NUP93: variants seen among roughly 807,000 people sequenced by gnomAD.
The protein encoded by NUP93 is nucleoporin 93, also known as nuclear pore complex protein Nup93.
A neutral mutation model predicts 107.8 loss-of-function variants in NUP93; 55 were observed. The ratio of observed to expected loss-of-function variants is 0.51; its 90% CI spans 0.41 to 0.64. NUP93 has a LOEUF of 0.64. NUP93 is among the 30% of genes least tolerant of loss of function. NUP93 has a pLI of 0.00. For missense variants in NUP93, 937 were observed against 1,044.7 expected, an observed-to-expected ratio of 0.90 and a Z score of 1.42; for synonymous variants, 390 against 397.5, an observed-to-expected ratio of 0.98 and a Z score of 0.22.
At chr16:56,835,514 T>C (rs978713510) in intron 16 of NUP93, among the ~76,000 whole-genome samples, 1 of 152,242 alleles carries the variant, frequency 6.6e-6, no homozygotes, top group Admixed American at 6.5e-5. Flanking sequence ...GGCATTGTGC[T>C]GAGTGCTTTG....
intron 3 of NUP93, among the ~76,000 whole-genome samples, chr16:56,761,712 T>C (rs757111466): frequency 3.3e-5 from 5 of 152,216 alleles, no homozygotes; most frequent in Non-Finnish European, 5.9e-5. Context: ...CTTTGTACTA[T>C]CCATCGTTTG....
chr16:56,777,275 A>G (rs78993150), intron 3 of NUP93, among the ~76,000 whole-genome samples: 10,371 of 152,236 alleles, frequency 0.068, 398 homozygotes, highest in Non-Finnish European at 0.075. Flanking sequence ...AATTTCTTTC[A>G]CCGAGGTGCA....
At chr16:56,746,913 A>T (rs1961829113) in intron 1 of NUP93, among the ~76,000 whole-genome samples, 2 of 152,212 alleles carry the variant, frequency 1.3e-5, no homozygotes, top group Admixed American at 1.3e-4. Context: ...TGTCTCCCAA[A>T]AGAAGGAAAA....
At chr16:56,768,682 C>T (rs555616423) in intron 3 of NUP93, among the ~76,000 whole-genome samples, 30 of 149,966 alleles carry the variant, frequency 2.0e-4, no homozygotes, top group South Asian at 1.5e-3. Context: ...CTGGCTAACA[C>T]GGTGAAACCC....
intron 9 of NUP93, among the ~76,000 whole-genome samples, 195 bp downstream of exon 9, chr16:56,829,304 G>T (rs143196872): frequency 1.3e-5 from 2 of 152,338 alleles, no homozygotes; most frequent in East Asian, 3.9e-4. Flanking sequence ...ACTCAGCTCC[G>T]GGTGGAGAAG....
chr16:56,844,428 G>A (rs1484451328), intron 21 of NUP93, 71 bp from the exon 22 acceptor site: 11 of 871,814 alleles, frequency 1.3e-5, no homozygotes, highest in Middle Eastern at 2.4e-4. Context: ...AATAGAGGAT[G>A]GAAGAATATG....
At chr16:56,807,161 T>C (rs1963161583) in intron 5 of NUP93, among the ~76,000 whole-genome samples, 1 of 152,222 alleles carries the variant, frequency 6.6e-6, no homozygotes, top group Non-Finnish European at 1.5e-5. Flanking sequence ...ACAGGCTTCT[T>C]ACAGGTTCCT....
At position 56,818,744 on chromosome 16, in the gene NUP93, T is replaced by C. The variant is rs200267496; in HGVS notation, c.564+6T>C. The C allele has an allele frequency of 6.2e-6, 10 of 1,612,848 alleles. No homozygotes were observed. The highest frequency in any genetic ancestry group is 2.2e-5 in the East Asian group (1 of 44,846). On this transcript the variant is annotated splice_donor_region_variant and intron_variant, in intron 6 of 21. Transcript: ENST00000308159. ...AGATGGCCTATGCGCGGCAAGTGAGTGTGATTTTAAGGGGGATTAAGCCAG... is the reference window on the plus strand; with the variant it reads ...AGATGGCCTATGCGCGGCAAGTGAGCGTGATTTTAAGGGGGATTAAGCCAG...
intron 5 of NUP93, among the ~76,000 whole-genome samples, chr16:56,807,897 C>CAT (rs1963178609): frequency 6.6e-6 from 1 of 151,306 alleles, no homozygotes; most frequent in Non-Finnish European, 1.5e-5. Flanking sequence ...TGGCGTGTGC[C>CAT]TGTAATCCCA....
chr16:56,797,457 T>G (rs1295404573), intron 3 of NUP93, among the ~76,000 whole-genome samples: 1 of 152,170 alleles, frequency 6.6e-6, no homozygotes, highest in Non-Finnish European at 1.5e-5. Context: ...AACTGCCCCC[T>G]TGTATGAAGA....
At chr16:56,798,682 A>T in intron 4 of NUP93, 144 bp downstream of exon 4, 5 of 669,162 alleles carry the variant, frequency 7.5e-6, no homozygotes, top group Non-Finnish European at 1.3e-5. Context: ...AGCCTAGGCA[A>T]CATAGTGAGA....
chr16:56,834,287 A>G, intron 14 of NUP93, 33 bp downstream of exon 14: 3 of 1,613,352 alleles, frequency 1.9e-6, no homozygotes, highest in East Asian at 2.2e-5. Context: ...TACTTCAGCT[A>G]GTTTCAATTT....
chr16:56,738,676 G>C lies in NUP93; in HGVS notation c.-15+8465G>C, dbSNP rs545779262. ...TCTGTCAAGATTTAATTTTTTTGGG[G>C]TTGTTGTTGTAATTGACAGCTGACA... On this transcript the variant is annotated intron_variant, in intron 1 of 21. Transcript: ENST00000308159. Among the ~76,000 whole-genome samples the C allele has an allele frequency of 9.2e-5, 14 of 152,184 alleles. No individual in the cohort carries two copies. In the South Asian group the frequency reaches 2.9e-3, roughly 32 times the overall value.
At chr16:56,731,217 T>A (rs1352748055) in intron 1 of NUP93, among the ~76,000 whole-genome samples, 1 of 152,026 alleles carries the variant, frequency 6.6e-6, no homozygotes, top group Non-Finnish European at 1.5e-5. Context: ...ACTTAATATC[T>A]CCACTGAGAT....
At chr16:56,816,093 C>A (rs765291011) in intron 5 of NUP93, among the ~76,000 whole-genome samples, 13 of 152,238 alleles carry the variant, frequency 8.5e-5, no homozygotes, top group Non-Finnish European at 1.8e-4. Flanking sequence ...CCACTGCTTC[C>A]TACTGAAGTG....
At position 56,731,476 on chromosome 16, in the gene NUP93, C is replaced by T. The variant is rs1360254522; in HGVS notation, c.-15+1265C>T. Among the ~76,000 whole-genome samples, 6 of 151,250 alleles carry T rather than the reference C, an allele frequency of 4.0e-5. No homozygotes were observed. The East Asian group carries it at 1.2e-3, about 29-fold the overall frequency. ...GTGCAGTGGTGCGATCTCGTGTCAT[C>T]GTGTGACTGCAACCTCTGCCTCCCA... On this transcript the variant is annotated intron_variant, in intron 1 of 21. Transcript: ENST00000308159.
At chr16:56,826,392 G>A (rs1335485383) in intron 8 of NUP93, among the ~76,000 whole-genome samples, 1 of 151,670 alleles carries the variant, frequency 6.6e-6, no homozygotes, top group African/African-American at 2.4e-5. Context: ...TGCACCTGGC[G>A]CAAGTCCCAG....
Position 56,798,520 on chromosome 16 carries a change from C to G in NUP93, c.342C>G (p.Ile114Met), listed in dbSNP as rs185914955. 114 of 1,613,818 alleles carry G rather than the reference C, an allele frequency of 7.1e-5. No individual in the cohort carries two copies. The highest frequency in any genetic ancestry group is 9.7e-5 in the Non-Finnish European group (114 of 1,179,892). ...AGGACAATGCCCTGCTGTCTGCCAT[C>G]GAAGAGTCCCGGAAGAGGGTAAGAA... ...NEKDNALLSA[I>M]EESRKRTFGM... Residue 114 changes from isoleucine to methionine, a missense_variant, in exon 4 of 22, where the codon ATC becomes ATG. Coordinates refer to ENST00000308159, the MANE Select transcript of NUP93 (RefSeq NM_014669.5).
At chr16:56,739,552 G>A (rs1304925590) in intron 1 of NUP93, among the ~76,000 whole-genome samples, 158 of 110,074 alleles carry the variant, frequency 1.4e-3, no homozygotes, top group African/African-American at 5.8e-3. Flanking sequence ...CCTCCCGGAC[G>A]GGGCGGCTGG....
Sources: gnomAD v4.1 joint callset for allele counts (sites outside exome capture counted in the v4.1 genomes callset) on GRCh38, gnomAD v4.1.1 for gene constraint, MANE v1.5 for transcripts, NCBI Gene and HGNC (gene_info 2026-07-23, HGNC 2026-07-21) for gene names.